The following OLFM1 variants were observed in gnomAD, a reference collection of about 807,000 sequenced individuals.
OLFM1 encodes the protein noelin.
Under a neutral mutation model 49.7 loss-of-function variants are expected in OLFM1, and 9 were observed. The ratio of observed to expected loss-of-function variants is 0.18; its 90% confidence interval spans 0.11 to 0.32. The LOEUF is 0.32. Among genes scored for constraint, OLFM1 ranks in the 10% least tolerant of loss-of-function variants. The pLI is 1.00. For missense variants in OLFM1, 369 were observed against 661.8 expected (o/e 0.56, Z 4.85); for synonymous variants, 240 against 271.8 (o/e 0.88, Z 1.15).
intron 2 of OLFM1, among the ~76,000 whole-genome samples, chr9:135,094,905 G>T (rs1830765811): frequency 6.6e-6 from 1 of 152,130 alleles, no homozygotes; most frequent in Admixed American, 6.5e-5. Flanking sequence ...CTGTCATGGA[G>T]GTAACTTCCT....
chr9:135,100,259 G>A (rs1022466090), intron 4 of OLFM1, among the ~76,000 whole-genome samples: 1 of 152,180 alleles, frequency 6.6e-6, no homozygotes, highest in Admixed American at 6.5e-5. Flanking sequence ...AGAAGCCAAG[G>A]GCCTTTCTGA....
Position 135,090,292 on chromosome 9 carries a change from C to T in OLFM1, c.248C>T (p.Thr83Ile). ...TGCACAGTGGTCGCTCCACAGCAGACCATGTGTTCACGGGATGCCCGCACA... is the reference window on the plus strand; with the variant it reads ...TGCACAGTGGTCGCTCCACAGCAGATCATGTGTTCACGGGATGCCCGCACA... Reference protein sequence around the residue: ...CICTVVAPQQTMCSRDARTKQ... With the variant: ...CICTVVAPQQIMCSRDARTKQ... The change falls in exon 2 of 6, where the codon ACC becomes ATC. Residue 83 changes from threonine to isoleucine, a missense_variant. This residue lies in a region of OLFM1 where 294 missense variants were observed against 567.5 expected (regional missense o/e 0.52). Transcript: ENST00000371793. The T allele has an allele frequency of 1.9e-6, 3 of 1,614,076 alleles. No individual in the cohort carries two copies. The highest frequency in any genetic ancestry group is 1.7e-6 in the Non-Finnish European group (2 of 1,180,022).
At chr9:135,100,258 G>A (rs1830852605) in intron 4 of OLFM1, among the ~76,000 whole-genome samples, 1 of 152,216 alleles carries the variant, frequency 6.6e-6, no homozygotes, top group Admixed American at 6.5e-5. Context: ...GAGAAGCCAA[G>A]GGCCTTTCTG....
intron 4 of OLFM1, among the ~76,000 whole-genome samples, chr9:135,100,080 A>T (rs1830850323): frequency 6.6e-6 from 1 of 152,154 alleles, no homozygotes. Context: ...CGAAGAATCC[A>T]GTGGTGGGGT....
At position 135,088,163 on chromosome 9, in the gene OLFM1, T is replaced by TGGCGCGGCTCCTCCTCCTCCTCCTC; in HGVS notation, c.150+25_150+49dup. The TGGCGCGGCTCCTCCTCCTCCTCCTC allele has an allele frequency of 1.5e-6, 2 of 1,310,052 alleles. No individual in the cohort carries two copies. The highest frequency in any genetic ancestry group is 2.0e-6 in the Non-Finnish European group (2 of 1,018,012). 81.2% of individuals were successfully genotyped at this position (1,310,052 alleles called of 1,614,324 possible). On this transcript the variant is annotated intron_variant, in intron 1 of 5. Coordinates refer to ENST00000371793, the MANE Select transcript of OLFM1 (RefSeq NM_001282611.2). The surrounding 1 kb of genome is among the most constrained non-coding windows in gnomAD (Gnocchi z 4.8). ...GCGTAAGTGCGCCCGCCGGCCGCCT[T>TGGCGCGGCTCCTCCTCCTCCTCCTC]GGCGCGGCTCCTCCTCCTCCTCCTC...
At chr9:135,109,463 G>A (rs1294067085) in intron 5 of OLFM1, among the ~76,000 whole-genome samples, 1 of 152,168 alleles carries the variant, frequency 6.6e-6, no homozygotes, top group Non-Finnish European at 1.5e-5. Context: ...CGCAGGAGAA[G>A]GGATCCCTGG....
intron 2 of OLFM1, among the ~76,000 whole-genome samples, chr9:135,095,529 A>AG (rs77499920): frequency 0.01 from 1,296 of 126,196 alleles, 18 homozygotes; most frequent in African/African-American, 0.044. Flanking sequence ...AAAAAAAAAA[A>AG]AAGAGAGAGA....
At chr9:135,101,927 G>C (rs1008725146) in intron 4 of OLFM1, among the ~76,000 whole-genome samples, 14 of 152,240 alleles carry the variant, frequency 9.2e-5, no homozygotes, top group Non-Finnish European at 1.2e-4. Flanking sequence ...TGGCACTCTG[G>C]TGCTAAAGGC....
chr9:135,079,988 T>G (rs1200420542), intron 1 of OLFM1, among the ~76,000 whole-genome samples: 1 of 152,028 alleles, frequency 6.6e-6, no homozygotes, highest in Non-Finnish European at 1.5e-5. Context: ...GACCCGGGAC[T>G]GCACTTGGGG....
Position 135,081,379 on chromosome 9 carries a change from C to T in OLFM1, c.96+5577C>T, listed in dbSNP as rs571540410. On this transcript the variant is annotated intron_variant, in intron 1 of 5. Coordinates refer to the OLFM1 transcript ENST00000252854. ...GGTCGCCGACCTCTGTGGAATGCAC[C>T]ACAGAGCCCATCAGCTGTGCCTTTC... Among the ~76,000 whole-genome samples the T allele has an allele frequency of 8.5e-5, 13 of 152,320 alleles. 1 individual carries two copies. The South Asian group carries it at 2.7e-3, about 32-fold the overall frequency.
At chr9:135,090,723 G>A (rs1401710782) in intron 2 of OLFM1, among the ~76,000 whole-genome samples, 1 of 152,132 alleles carries the variant, frequency 6.6e-6, no homozygotes, top group Non-Finnish European at 1.5e-5. Context: ...GTCATAATCT[G>A]TGTGCACAGG....
upstream of OLFM1, chr9:135,087,132 C>G (rs1830608007): frequency 5.6e-6 from 6 of 1,075,202 alleles, no homozygotes; most frequent in South Asian, 1.1e-4. Context: ...ATCGCAGGGG[C>G]GCCTTTAGCT....
rs142066448 is a variant in OLFM1, at chr9:135,107,326, T to G, written c.783+471T>G. On this transcript the variant is annotated intron_variant, in intron 5 of 5. Coordinates refer to ENST00000371793, the MANE Select transcript of OLFM1 (RefSeq NM_001282611.2). ...CATTCCTTTCATGGCTGATGGAGAC[T>G]CATGTTCCTTTTGATTTAGGAAAGA... Among the ~76,000 whole-genome samples the G allele has an allele frequency of 1.4e-4, 22 of 152,392 alleles. No individual in the cohort carries two copies. The East Asian group carries it at 2.5e-3, about 17-fold the overall frequency.
chr9:135,099,033 T>C (rs1830836538), intron 4 of OLFM1, among the ~76,000 whole-genome samples: 1 of 152,356 alleles, frequency 6.6e-6, no homozygotes, highest in South Asian at 2.1e-4. Flanking sequence ...AATGAACCCC[T>C]TCCTCGGGTG....
In OLFM1 at chr9:135,113,756, C is replaced by G. The variant is rs1465079617; in HGVS notation, c.784-5748C>G. 6.6e-6 allele frequency among the ~76,000 whole-genome samples: 1 copy of G among 152,210 alleles called. No homozygotes were observed. The highest frequency in any genetic ancestry group is 1.5e-5 in the Non-Finnish European group (1 of 68,038). On this transcript the variant is annotated intron_variant, in intron 5 of 5. Coordinates refer to ENST00000371793, the MANE Select transcript of OLFM1 (RefSeq NM_001282611.2). This position sits in a 1 kb window ranked among gnomAD's most constrained non-coding sequence, Gnocchi z 4.0. The stretch of plus-strand genomic sequence containing the variant: ...AAGGCCTCCCCTCCGGGCTCACGGT[C>G]AGGTGGGAGACACATGCCCGATGCC...
At chr9:135,097,202 T>G (rs1413838660) in intron 3 of OLFM1, among the ~76,000 whole-genome samples, 1 of 152,194 alleles carries the variant, frequency 6.6e-6, no homozygotes, top group Non-Finnish European at 1.5e-5. Flanking sequence ...ATACATTAAA[T>G]AGATGAAATG....
At chr9:135,093,067 G>A (rs1456678577) in intron 2 of OLFM1, among the ~76,000 whole-genome samples, 7 of 152,164 alleles carry the variant, frequency 4.6e-5, no homozygotes, top group African/African-American at 7.2e-5. Context: ...CAGCCAGGTC[G>A]GTATTTCTGT....
At position 135,117,465 on chromosome 9, in the gene OLFM1, G is replaced by A. The variant is rs561110246; in HGVS notation, c.784-2039G>A. The stretch of plus-strand genomic sequence containing the variant: ...CTTGGTGGGAGGAGAGGCCTTGAGC[G>A]TGGTGTCTTGTTGGGATATGGGAGC... On this transcript the variant is annotated intron_variant, in intron 5 of 5. Transcript: ENST00000371793. The surrounding 1 kb of genome is among the most constrained non-coding windows in gnomAD (Gnocchi z 5.5). Among the ~76,000 whole-genome samples the A allele has an allele frequency of 3.0e-4, 46 of 152,350 alleles. No individual in the cohort carries two copies. The highest frequency in any genetic ancestry group is 2.7e-3 in the Admixed American group (41 of 15,312).
intron 1 of OLFM1, among the ~76,000 whole-genome samples, 194 bp from the exon 2 acceptor site, chr9:135,090,001 A>G (rs1186314612): frequency 6.6e-6 from 1 of 152,044 alleles, no homozygotes; most frequent in Non-Finnish European, 1.5e-5. Context: ...GAGCCCCCTA[A>G]CAGGAGACCT....
Sources: gnomAD v4.1 joint callset for allele counts (sites outside exome capture counted in the v4.1 genomes callset) on GRCh38, gnomAD v4.1.1 for gene constraint, gnomAD v4.1.1 regional missense constraint, Gnocchi (gnomAD v3.1) non-coding constraint, MANE v1.5 for transcripts, NCBI Gene and HGNC (gene_info 2026-07-23, HGNC 2026-07-21) for gene names.